Variants in RALYL observed in about 807,000 individuals in gnomAD.
RALYL encodes RALY RNA binding protein like.
In RALYL, 29 loss-of-function variants were observed where a neutral mutation model predicts 35.1. The observed-to-expected ratio is 0.83, with a 90% CI of 0.61 to 1.13. RALYL has a LOEUF of 1.13. RALYL is among the 50% of genes most tolerant of loss of function. The pLI is 0.00. For missense variants in RALYL, 359 were observed against 360.4 expected (o/e 1.00, Z 0.03); for synonymous variants, 120 against 127.6 (o/e 0.94, Z 0.40).
chr8:84,319,162 G>A (rs1332834041), intron 1 of RALYL, among the ~76,000 whole-genome samples: 1 of 152,148 alleles, frequency 6.6e-6, no homozygotes, highest in Admixed American at 6.5e-5. Flanking sequence ...CTTGGTGGGT[G>A]TCTTGAAGAA....
At chr8:84,562,995 G>T (rs2061561745) in intron 2 of RALYL, among the ~76,000 whole-genome samples, 1 of 151,856 alleles carries the variant, frequency 6.6e-6, no homozygotes, top group African/African-American at 2.4e-5. Flanking sequence ...GAGAAATGTA[G>T]ATTCTGGAAA....
intron 2 of RALYL, among the ~76,000 whole-genome samples, chr8:84,613,589 T>A (rs977002148): frequency 6.6e-6 from 1 of 151,420 alleles, no homozygotes. Context: ...AAATAAGTTA[T>A]CCAAAGTCAC....
At chr8:84,873,013 A>G (rs1261318997) in intron 6 of RALYL, 4 of 286,348 alleles carry the variant, frequency 1.4e-5, no homozygotes, top group Non-Finnish European at 2.6e-5. Flanking sequence ...ATTTTAAAAA[A>G]TATTTCTTAA....
At chr8:84,898,169 T>G (rs919628750) in intron 8 of RALYL, among the ~76,000 whole-genome samples, 1 of 152,174 alleles carries the variant, frequency 6.6e-6, no homozygotes, top group Non-Finnish European at 1.5e-5. Context: ...TCATATCATG[T>G]GGAGTATTTG....
At chr8:84,588,483 G>A (rs1812488568) in intron 2 of RALYL, among the ~76,000 whole-genome samples, 1 of 152,150 alleles carries the variant, frequency 6.6e-6, no homozygotes, top group Non-Finnish European at 1.5e-5. Context: ...ATTTATGTGA[G>A]GTGTGTAACA....
At chr8:84,837,227 G>C (rs1282674299) in intron 4 of RALYL, among the ~76,000 whole-genome samples, 1 of 152,160 alleles carries the variant, frequency 6.6e-6, no homozygotes, top group Non-Finnish European at 1.5e-5. Flanking sequence ...GAAATTCCTT[G>C]AGGTTAGAAG....
In RALYL at chr8:84,799,854, G is replaced by C. The variant is rs183445558; in HGVS notation, c.333-4916G>C. Among the ~76,000 whole-genome samples the C allele has an allele frequency of 6.3e-3, 965 of 152,288 alleles. 6 individuals carry two copies. The highest frequency in any genetic ancestry group is 0.014 in the Admixed American group (218 of 15,290). Reference sequence around the variant, plus strand: ...ACCTGTAGTCCCAGCTACTCGGGAGGCTGAGGCAGGAGAATGGCGTGAACC... The same window carrying C: ...ACCTGTAGTCCCAGCTACTCGGGAGCCTGAGGCAGGAGAATGGCGTGAACC... On this transcript the variant is annotated intron_variant, in intron 3 of 8. Transcript: ENST00000521268.
intron 2 of RALYL, among the ~76,000 whole-genome samples, chr8:84,591,483 A>G (rs1453686825): frequency 1.3e-5 from 2 of 152,168 alleles, no homozygotes; most frequent in Admixed American, 6.5e-5. Flanking sequence ...TACAGAAGAT[A>G]AACCTAAGTT....
chr8:84,523,742 A>G, intron 1 of RALYL, among the ~76,000 whole-genome samples: 2 of 137,898 alleles, frequency 1.5e-5, no homozygotes, highest in African/African-American at 2.7e-5. Flanking sequence ...TTCAATTCCC[A>G]CCTGTGAGTT....
chr8:84,252,657 AG>A (rs1197776859), intron 1 of RALYL, among the ~76,000 whole-genome samples: 1 of 152,132 alleles, frequency 6.6e-6, no homozygotes, highest in African/African-American at 2.4e-5. Context: ...TTAGTGGTGA[AG>A]AGAAGTCTGA....
At chr8:84,360,030 G>A (rs1016674354) in intron 1 of RALYL, among the ~76,000 whole-genome samples, 10 of 151,764 alleles carry the variant, frequency 6.6e-5, no homozygotes, top group South Asian at 6.2e-4. Flanking sequence ...GCACCAGCAC[G>A]CCTGGCTAAT....
At chr8:84,609,837 G>C (rs768469431) in intron 2 of RALYL, among the ~76,000 whole-genome samples, 3 of 152,162 alleles carry the variant, frequency 2.0e-5, no homozygotes, top group Non-Finnish European at 4.4e-5. Context: ...TGGACTCACA[G>C]TTCCACGTGG....
intron 1 of RALYL, among the ~76,000 whole-genome samples, chr8:84,279,911 G>T (rs745680604): frequency 6.6e-6 from 1 of 152,106 alleles, no homozygotes; most frequent in African/African-American, 2.4e-5. Flanking sequence ...CACTAAACAA[G>T]ATAACATATT....
rs374764912 is a variant in RALYL at position 84,658,627 on chromosome 8, A to G, written c.257-115952A>G. Among the ~76,000 whole-genome samples, 3 of 152,136 alleles carry G rather than the reference A, an allele frequency of 2.0e-5. No individual in the cohort carries two copies. In the East Asian group the frequency reaches 5.8e-4, roughly 29 times the overall value. Reference sequence around the variant, plus strand: ...ATGGATAGACAGATAGCCTGAGTGGAAAACTGACAATCCAGAGCTGATGGT... The same window carrying G: ...ATGGATAGACAGATAGCCTGAGTGGGAAACTGACAATCCAGAGCTGATGGT... On this transcript the variant is annotated intron_variant, in intron 2 of 8. Coordinates refer to ENST00000521268, the MANE Select transcript of RALYL (RefSeq NM_173848.7).
intron 4 of RALYL, among the ~76,000 whole-genome samples, chr8:84,831,670 A>G (rs571580290): frequency 1.3e-5 from 2 of 152,270 alleles, no homozygotes; most frequent in East Asian, 3.9e-4. Flanking sequence ...CAGCTGGTAA[A>G]ATAGTGATGA....
At chr8:84,475,841 C>T (rs1201674943) in intron 1 of RALYL, among the ~76,000 whole-genome samples, 6 of 152,100 alleles carry the variant, frequency 3.9e-5, no homozygotes, top group Non-Finnish European at 5.9e-5. Context: ...TCTAGGCTGG[C>T]ATAGTCTAGG....
rs571283551 is a variant in RALYL at position 84,583,501 on chromosome 8, A to T, written c.256+53924A>T. 7.9e-4 allele frequency among the ~76,000 whole-genome samples: 121 copies of T among 152,270 alleles called. 1 individual carries two copies. The highest frequency in any genetic ancestry group is 2.6e-3 in the African/African-American group (107 of 41,574). On this transcript the variant is annotated intron_variant, in intron 2 of 8. Coordinates refer to ENST00000521268, the MANE Select transcript of RALYL (RefSeq NM_173848.7). ...TTCCTAATACATTAAACTTAATTTA[A>T]TAAATAATCAAATGTTAGAATGTAT...
chr8:84,757,669 T>C (rs1811749738), intron 2 of RALYL, among the ~76,000 whole-genome samples: 1 of 152,168 alleles, frequency 6.6e-6, no homozygotes. Flanking sequence ...TGTAATATAG[T>C]GTGGCTAGTA....
In RALYL at chr8:84,529,479, T is replaced by C. The variant is rs917074095; in HGVS notation, c.158T>C (p.Val53Ala). 1 of 1,613,808 alleles carries C rather than the reference T, an allele frequency of 6.2e-7. No homozygotes were observed. ...SKYGKIVGCS[V>A]HKGYAFVQYM... ...TATGGAAAAATAGTTGGATGTTCCG[T>C]TCACAAAGGTTATGCATTTGTACAG... The change falls in exon 2 of 9, where the codon GTT (valine) becomes GCT (alanine). Residue 53 changes from valine to alanine, a missense_variant. Val to Ala is a moderately conservative substitution (Grantham distance 64). Transcript: ENST00000521268.
Sources: gnomAD v4.1 joint callset for allele counts (sites outside exome capture counted in the v4.1 genomes callset) on GRCh38, gnomAD v4.1.1 for gene constraint, MANE v1.5 for transcripts, NCBI Gene and HGNC (gene_info 2026-07-23, HGNC 2026-07-21) for gene names.